Variants in FAM228B observed in about 807,000 individuals in gnomAD.
FAM228B encodes the protein protein FAM228B.
FAM228B carries 38 observed loss-of-function variants against 42.6 expected under a neutral mutation model. That is an observed-to-expected ratio of 0.89 (90% CI 0.69 to 1.17). The LOEUF (loss-of-function observed/expected upper bound fraction) is 1.17. Ranked by LOEUF, FAM228B falls within the 50% of genes most tolerant of loss-of-function variation. FAM228B has a pLI of 0.00. For synonymous variants in FAM228B, 109 were observed against 122.3 expected (o/e 0.89, Z 0.72); for missense variants, 344 against 367.3 (o/e 0.94, Z 0.52).
chr2:24,156,197 G>A (rs759378033), intron 7 of FAM228B, among the ~76,000 whole-genome samples: 15 of 152,192 alleles, frequency 9.9e-5, no homozygotes, highest in African/African-American at 1.4e-4. Context: ...TGAGCGAGTC[G>A]TGCTTGTCAT....
intron 3 of FAM228B, among the ~76,000 whole-genome samples, chr2:24,137,073 G>A (rs1666608621): frequency 6.6e-6 from 1 of 152,152 alleles, no homozygotes; most frequent in African/African-American, 2.4e-5. Flanking sequence ...TCTTTTCAAA[G>A]TACATCCATG....
At chr2:24,120,550 AT>A (rs71395201), upstream of FAM228B, among the ~76,000 whole-genome samples, 27 of 149,054 alleles carry the variant, frequency 1.8e-4, no homozygotes, top group Admixed American at 8.6e-4. Context: ...CAGAGAGCTG[AT>A]TTTTTTTAAA....
At chr2:24,113,304 G>A (rs539508962) in intron 3 of FAM228B, among the ~76,000 whole-genome samples, 2 of 152,298 alleles carry the variant, frequency 1.3e-5, no homozygotes, top group Admixed American at 6.5e-5. Context: ...CAGATGCAGT[G>A]TCTCGCTCTT....
chr2:24,082,927 G>A, intron 2 of FAM228B: 1 of 1,613,036 alleles, frequency 6.2e-7, no homozygotes, highest in Non-Finnish European at 8.5e-7. Context: ...CAGGCCTCTG[G>A]GATGGCTGCA....
intron 3 of FAM228B, among the ~76,000 whole-genome samples, chr2:24,115,027 G>GA (rs1326392937): frequency 6.6e-6 from 1 of 152,210 alleles, no homozygotes; most frequent in East Asian, 1.9e-4. Flanking sequence ...TTGTTGAATG[G>GA]CCTTTGCAAT....
chr2:24,135,933 A>G (rs1402133971), intron 3 of FAM228B, among the ~76,000 whole-genome samples: 5 of 71,570 alleles, frequency 7.0e-5, no homozygotes, highest in East Asian at 3.9e-4. Flanking sequence ...CTGCCTCTTT[A>G]CTCTTGCCTT....
chr2:24,137,324 T>C (rs1474830449), intron 3 of FAM228B, among the ~76,000 whole-genome samples: 1 of 152,156 alleles, frequency 6.6e-6, no homozygotes, highest in Non-Finnish European at 1.5e-5. Context: ...GGTCTTATGG[T>C]AGGTCTGTTT....
chr2:24,161,581 A>G lies in FAM228B; in HGVS notation c.762A>G (p.Glu254=). The G allele has an allele frequency of 6.5e-7, 1 of 1,546,512 alleles. No individual in the cohort carries two copies. The highest frequency in any genetic ancestry group is 8.8e-7 in the Non-Finnish European group (1 of 1,142,298). The part of the protein sequence containing the change: ...KPLARAPYLL[E]SQEEEKTVIY... ...TGGCAAGAGCTCCTTATCTTTTGGA[A>G]TCCCAGGAAGAAGAAAAAACAGTTA... The change falls in exon 8 of 11, where the codon GAA becomes GAG. Residue 254 remains glutamate (E), a synonymous_variant. Coordinates refer to ENST00000615575, the MANE Select transcript of FAM228B (RefSeq NM_001145710.2).
At chr2:24,087,336 C>T (rs1156590178) in intron 2 of FAM228B, 2 of 152,046 alleles carry the variant, frequency 1.3e-5, no homozygotes, top group Non-Finnish European at 2.9e-5. Flanking sequence ...CCACCTCAGC[C>T]TGTAAAGTAC....
At chr2:24,079,514 G>A (rs1254457989) in intron 1 of FAM228B, 1 of 1,613,974 alleles carries the variant, frequency 6.2e-7, no homozygotes, top group Non-Finnish European at 8.5e-7. Flanking sequence ...TGAAAACAGG[G>A]GCCCATTGAT....
In FAM228B at chr2:24,139,350, G is replaced by A. The variant is rs780569821; in HGVS notation, c.361-20G>A. The A allele has an allele frequency of 9.8e-5, 141 of 1,445,054 alleles. No individual in the cohort carries two copies. Among genetic ancestry groups the A allele is most frequent in the Middle Eastern group, 1.8e-4 (1 of 5,604 alleles). 89.5% of individuals were successfully genotyped at this position (1,445,054 alleles called of 1,614,324 possible). A position where few individuals can be genotyped will look rare whatever the true frequency, so the allele number is the denominator to read the frequency against. On this transcript the variant is annotated intron_variant, in intron 4 of 10. Transcript: ENST00000615575. ...TGTGCACCTCTTGTTCTTGTGTATC[G>A]TTTTATTTCCTTGCTATAGGGAAAT...
At chr2:24,086,213 C>T (rs112367450) in intron 2 of FAM228B, among the ~76,000 whole-genome samples, 8 of 125,876 alleles carry the variant, frequency 6.4e-5, no homozygotes, top group African/African-American at 2.4e-4. Flanking sequence ...CCAGCCTGGA[C>T]GACAGAGTGA....
At chr2:24,159,431 C>A (rs1667238070) in intron 7 of FAM228B, among the ~76,000 whole-genome samples, 1 of 152,088 alleles carries the variant, frequency 6.6e-6, no homozygotes, top group East Asian at 1.9e-4. Context: ...TTAACCTAGC[C>A]TAATAGAAAG....
chr2:24,150,931 G>A (rs1051719614), intron 7 of FAM228B, among the ~76,000 whole-genome samples: 8 of 152,106 alleles, frequency 5.3e-5, no homozygotes, highest in African/African-American at 1.7e-4. Context: ...AAATCTGCTT[G>A]ATGTTCTATT....
chr2:24,138,639 C>G (rs1441968823), intron 4 of FAM228B, among the ~76,000 whole-genome samples: 1 of 151,374 alleles, frequency 6.6e-6, no homozygotes, highest in African/African-American at 2.4e-5. Context: ...CCAGCCCTCC[C>G]CATGTAATTA....
intron 2 of FAM228B, among the ~76,000 whole-genome samples, chr2:24,083,902 C>T (rs970127335): frequency 6.6e-6 from 1 of 152,164 alleles, no homozygotes; most frequent in Non-Finnish European, 1.5e-5. Context: ...AACAGGGTAG[C>T]CTGGGGAGTA....
chr2:24,079,729 G>T, intron 1 of FAM228B: 1 of 1,250,936 alleles, frequency 8.0e-7, no homozygotes, highest in Non-Finnish European at 1.1e-6. Flanking sequence ...TATAAATACA[G>T]ATGCAAGTGG....
intron 3 of FAM228B, among the ~76,000 whole-genome samples, chr2:24,104,418 C>T (rs1490869287): frequency 6.6e-6 from 1 of 152,224 alleles, no homozygotes; most frequent in African/African-American, 2.4e-5. Context: ...AGTTGCCATG[C>T]ATGGGAGCAG....
In FAM228B at chr2:24,135,202, CA is replaced by C. The variant is rs201879892; in HGVS notation, c.168+19del. 1,784 of 1,340,492 alleles carry C rather than the reference CA, an allele frequency of 1.3e-3. 16 individuals are homozygous for C. The African/African-American group carries it at 0.023, about 18-fold the overall frequency. The allele number at this position is 1,340,492 out of a possible 1,614,324, so 83.0% of individuals were successfully genotyped here. A position where few individuals can be genotyped will look rare whatever the true frequency, so the allele number is the denominator to read the frequency against. On this transcript the variant is annotated intron_variant, in intron 3 of 10. Transcript: ENST00000615575. ...CTGTAATTAAGGTAAGAATTGGCTA[CA>C]AAATGCATCTCAGTTAAAAATTAAA...
Sources: gnomAD v4.1 joint callset for allele counts (sites outside exome capture counted in the v4.1 genomes callset) on GRCh38, gnomAD v4.1.1 for gene constraint, MANE v1.5 for transcripts, NCBI Gene and HGNC (gene_info 2026-07-23, HGNC 2026-07-21) for gene names.